Variants in ZRANB3 observed in about 807,000 individuals in gnomAD.
The protein encoded by ZRANB3 is DNA annealing helicase and endonuclease ZRANB3.
Under a neutral mutation model 133.8 loss-of-function variants are expected in ZRANB3, and 125 were observed. That is an observed-to-expected ratio of 0.93 (90% confidence interval 0.81 to 1.08). The LOEUF is 1.08. Ranked by LOEUF, ZRANB3 falls within the 50% of genes least tolerant of loss-of-function variation. The pLI, the probability that ZRANB3 is intolerant of heterozygous loss-of-function variation, is 0.00. For missense variants in ZRANB3, 1,229 were observed against 1,275.5 expected, an observed-to-expected ratio of 0.96 and a Z score of 0.56; for synonymous variants, 387 against 432.7, an observed-to-expected ratio of 0.89 and a Z score of 1.31.
At chr2:135,293,343 C>T (rs183114958) in intron 8 of ZRANB3, among the ~76,000 whole-genome samples, 28,307 of 150,182 alleles carry the variant, frequency 0.19, 3,624 homozygotes, top group African/African-American at 0.33. Context: ...AGGTATTTTA[C>T]TCTCTTTGAA....
intron 3 of ZRANB3, among the ~76,000 whole-genome samples, chr2:135,382,957 A>G (rs1686789183): frequency 6.6e-6 from 1 of 152,200 alleles, no homozygotes; most frequent in East Asian, 1.9e-4. Context: ...ATCAGCTAAC[A>G]TCATAATTAC....
At chr2:135,506,242 T>C (rs1183779853) in intron 1 of ZRANB3, among the ~76,000 whole-genome samples, 2 of 152,014 alleles carry the variant, frequency 1.3e-5, no homozygotes, top group Non-Finnish European at 2.9e-5. Flanking sequence ...ATACAAAAAT[T>C]AGCTGGGTGT....
chr2:135,403,319 C>T (rs1225766455), intron 2 of ZRANB3, among the ~76,000 whole-genome samples: 1 of 152,220 alleles, frequency 6.6e-6, no homozygotes, highest in East Asian at 1.9e-4. Context: ...CCGCACCTGG[C>T]TCGGAGGGTC....
chr2:135,436,785 A>C (rs1410478961), intron 2 of ZRANB3, among the ~76,000 whole-genome samples: 1 of 151,958 alleles, frequency 6.6e-6, no homozygotes, highest in Non-Finnish European at 1.5e-5. Context: ...TATGAAACCA[A>C]AAAAAAAGCC....
At chr2:135,377,392 G>C (rs990945869) in intron 3 of ZRANB3, among the ~76,000 whole-genome samples, 2 of 152,012 alleles carry the variant, frequency 1.3e-5, no homozygotes, top group Admixed American at 1.3e-4. Context: ...TTCTAGTATC[G>C]ATCTTCAGTA....
intron 3 of ZRANB3, among the ~76,000 whole-genome samples, chr2:135,385,844 T>C (rs144405117): frequency 0.015 from 2,304 of 152,238 alleles, 49 homozygotes; most frequent in African/African-American, 0.051. Context: ...TAACTCAAGA[T>C]GGATTAAAGA....
chr2:135,494,307 CAAA>C (rs770757530), intron 2 of ZRANB3, among the ~76,000 whole-genome samples: 2 of 51,316 alleles, frequency 3.9e-5, no homozygotes, highest in Non-Finnish European at 7.9e-5. Context: ...GACTCCGTCT[CAAA>C]AAAAAAAAAA....
At chr2:135,272,757 T>TG in intron 9 of ZRANB3, among the ~76,000 whole-genome samples, 1 of 151,928 alleles carries the variant, frequency 6.6e-6, no homozygotes, top group East Asian at 1.9e-4. Flanking sequence ...TCCAGAGAGG[T>TG]GGGGCACTGA....
At chr2:135,525,460 G>T (rs1387949111) in intron 1 of ZRANB3, among the ~76,000 whole-genome samples, 7 of 152,156 alleles carry the variant, frequency 4.6e-5, no homozygotes, top group African/African-American at 1.7e-4. Context: ...GGGATAATCA[G>T]GGAAGCATAC....
chr2:135,525,246 A>C (rs1240834910), intron 1 of ZRANB3, among the ~76,000 whole-genome samples: 1 of 152,224 alleles, frequency 6.6e-6, no homozygotes, highest in East Asian at 1.9e-4. Context: ...AAGATGCTCT[A>C]CATCAATAGA....
chr2:135,229,796 T>C (rs1694915075), intron 13 of ZRANB3, among the ~76,000 whole-genome samples: 1 of 152,274 alleles, frequency 6.6e-6, no homozygotes, highest in Admixed American at 6.5e-5. Flanking sequence ...ATAAAAATGC[T>C]CTATAGAATT....
At chr2:135,401,361 T>C (rs1291978897) in intron 2 of ZRANB3, among the ~76,000 whole-genome samples, 1 of 152,218 alleles carries the variant, frequency 6.6e-6, no homozygotes, top group Non-Finnish European at 1.5e-5. Context: ...GATCTTTATG[T>C]GATGAAGATG....
chr2:135,326,813 T>A (rs1683854180), intron 6 of ZRANB3, among the ~76,000 whole-genome samples: 1 of 149,500 alleles, frequency 6.7e-6, no homozygotes, highest in African/African-American at 2.5e-5. Context: ...GGCAGGGGAA[T>A]TGCTTGAACC....
At chr2:135,294,807 C>T (rs991267847) in intron 8 of ZRANB3, among the ~76,000 whole-genome samples, 4 of 152,066 alleles carry the variant, frequency 2.6e-5, no homozygotes, top group Non-Finnish European at 4.4e-5. Flanking sequence ...TCTTTGTTCT[C>T]GTTGGTTTCA....
At chr2:135,408,832 G>A (rs560684502) in intron 2 of ZRANB3, among the ~76,000 whole-genome samples, 8 of 152,102 alleles carry the variant, frequency 5.3e-5, no homozygotes, top group African/African-American at 1.7e-4. Context: ...TTGTGGGGTC[G>A]GGGGATGGGG....
At chr2:135,444,517 G>A (rs993697946) in intron 2 of ZRANB3, among the ~76,000 whole-genome samples, 3 of 152,162 alleles carry the variant, frequency 2.0e-5, no homozygotes, top group Non-Finnish European at 4.4e-5. Flanking sequence ...CAGTTTGCCA[G>A]AGAGCTGGTG....
chr2:135,281,572 C>T (rs1317500688), intron 8 of ZRANB3, among the ~76,000 whole-genome samples: 2 of 152,046 alleles, frequency 1.3e-5, no homozygotes, highest in East Asian at 3.9e-4. Context: ...ATCTGATATC[C>T]CGGAATGCAG....
intron 2 of ZRANB3, among the ~76,000 whole-genome samples, chr2:135,431,739 TTAAAACCA>T (rs1689331174): frequency 1.3e-5 from 2 of 152,170 alleles, no homozygotes; most frequent in South Asian, 4.1e-4. Context: ...AAACTGCAAA[TTAAAACCA>T]TAGTGAAATA....
chr2:135,317,197 T>C (rs1683306113), intron 6 of ZRANB3, among the ~76,000 whole-genome samples: 1 of 152,068 alleles, frequency 6.6e-6, no homozygotes, highest in Non-Finnish European at 1.5e-5. Flanking sequence ...ACTTGTTCAT[T>C]AAAATTTTTT....
Sources: allele counts gnomAD v4.1 joint callset (sites outside exome capture counted in the v4.1 genomes callset), GRCh38; gene constraint gnomAD v4.1.1; transcripts MANE v1.5; gene names NCBI Gene and HGNC (gene_info 2026-07-23, HGNC 2026-07-21).